The following UPK3B variants were observed in gnomAD, a reference collection of about 807,000 sequenced individuals.
UPK3B encodes uroplakin 3B.
In UPK3B, 21 loss-of-function variants were observed where a neutral mutation model predicts 27.6. The ratio of observed to expected loss-of-function variants is 0.76; its 90% CI spans 0.54 to 1.10. The LOEUF is 1.10. Ranked by LOEUF, UPK3B falls within the 50% of genes least tolerant of loss-of-function variation. The probability of loss-of-function intolerance (pLI) is 0.00; values close to 1 mark genes in which losing one functional copy is unlikely to be tolerated. For missense variants in UPK3B, 306 were observed against 376.1 expected, an observed-to-expected ratio of 0.81 and a Z score of 1.54; for synonymous variants, 141 against 162.3, an observed-to-expected ratio of 0.87 and a Z score of 1.00.
intron 5 of UPK3B, 106 bp from the exon 6 acceptor site, chr7:76,514,939 A>T: frequency 2.4e-6 from 3 of 1,253,406 alleles, no homozygotes; most frequent in Non-Finnish European, 3.2e-6. Context: ...AGAGAGAGAG[A>T]GAGACTACAC....
Position 76,515,339 on chromosome 7 carries a change from G to A in UPK3B, c.*135G>A. 1 of 1,501,804 alleles carries A rather than the reference G, an allele frequency of 6.7e-7. No individual in the cohort carries two copies. Among genetic ancestry groups the A allele is most frequent in the Admixed American group, 2.1e-5 (1 of 47,038 alleles). 93.0% of individuals were successfully genotyped at this position (1,501,804 alleles called of 1,614,324 possible). On this transcript the variant is annotated 3_prime_UTR_variant, in exon 6 of 6. Coordinates refer to ENST00000334348, the MANE Select transcript of UPK3B (RefSeq NM_001347684.2). ...CCCCCACCAGCACACCCCGTACCCT[G>A]CCTGGAATCCCAGCACCAGCCCCCC...
chr7:76,513,851 G>A (rs1812626314), intron 4 of UPK3B, 96 bp from the exon 5 acceptor site: 2 of 1,577,842 alleles, frequency 1.3e-6, no homozygotes, highest in East Asian at 2.2e-5. Flanking sequence ...AGACCTTGAA[G>A]CTAGGCCAGC....
chr7:76,514,253 GTC>G (rs770969850), intron 5 of UPK3B, among the ~76,000 whole-genome samples, 177 bp downstream of exon 5: 2 of 152,114 alleles, frequency 1.3e-5, no homozygotes, highest in Non-Finnish European at 1.5e-5. Context: ...CGATCCTCCC[GTC>G]TCGGCCTCCC....
chr7:76,515,928 A>T lies in UPK3B; in HGVS notation c.*724A>T. Reference sequence around the variant, plus strand: ...TGGGGAGATGCCTTCTCTAGACCTGAGACGACCACGTGTCCAGATGTGACC... The same window carrying T: ...TGGGGAGATGCCTTCTCTAGACCTGTGACGACCACGTGTCCAGATGTGACC... On this transcript the variant is annotated 3_prime_UTR_variant, in exon 6 of 6. Coordinates refer to ENST00000334348, the MANE Select transcript of UPK3B (RefSeq NM_001347684.2). 8.2e-6 allele frequency: 5 copies of T among 610,048 alleles called. 2 individuals are homozygous for T. The highest frequency in any genetic ancestry group is 9.4e-6 in the Non-Finnish European group (5 of 529,334). The allele number at this position is 610,048 out of a possible 1,614,324, so 37.8% of individuals were successfully genotyped here.
chr7:76,514,781 C>T (rs1812668252), intron 5 of UPK3B, among the ~76,000 whole-genome samples: 1 of 151,936 alleles, frequency 6.6e-6, no homozygotes, highest in Non-Finnish European at 1.5e-5. Context: ...TGGCAGGCAC[C>T]TGTAATCCCA....
rs1584274796 is a variant in UPK3B at position 76,513,929 on chromosome 7, C to T, written c.542-18C>T. 6.2e-7 allele frequency: 1 copy of T among 1,613,136 alleles called. No individual in the cohort carries two copies. The highest frequency in any genetic ancestry group is 8.5e-7 in the Non-Finnish European group (1 of 1,179,578). ...GGGGTCGAGGGGCAGCCCCTCTGAG[C>T]AGCTGGTGTGTGTGCAGGGAAGACC... On this transcript the variant is annotated intron_variant, in intron 4 of 5. Transcript: ENST00000334348.
rs370582151 is a variant in UPK3B, at chr7:76,513,091, T to G, written c.469T>G (p.Phe157Val). 3 of 1,613,170 alleles carry G rather than the reference T, an allele frequency of 1.9e-6. No homozygotes were observed. In the African/African-American group the frequency reaches 4.0e-5, roughly 21 times the overall value. The change falls in exon 4 of 6, where the codon TTC becomes GTC. Residue 157 changes from phenylalanine to valine, a missense_variant. By Grantham distance (50) the Phe-to-Val change is conservative. This residue lies in a region of UPK3B where 174 missense variants were observed against 166.6 expected (regional missense o/e 1.04). Transcript: ENST00000334348. ...ACCACCTCCCATCCCCAGGGTGAAG[T>G]TCCTCCTGATGGACACCAGGGGCTC... ...LPGPGPYRVK[F>V]LLMDTRGSPR...
At chr7:76,514,134 G>T (rs1417625365) in intron 5 of UPK3B, 58 bp downstream of exon 5, 2 of 1,611,576 alleles carry the variant, frequency 1.2e-6, no homozygotes, top group Admixed American at 1.7e-5. Flanking sequence ...TGTTGAATTG[G>T]TCCCAGTGTC....
At position 76,510,963 on chromosome 7, in the gene UPK3B, C is replaced by G; in HGVS notation, c.146C>G (p.Thr49Ser). ...GACCTGGAAGGGAAGGTCACAGCCACCACCTTCTCCCTGGAGCAGCCGCGC... is the reference window on the plus strand; with the variant it reads ...GACCTGGAAGGGAAGGTCACAGCCAGCACCTTCTCCCTGGAGCAGCCGCGC... ...AWDLEGKVTA[T>S]TFSLEQPRCV... The change falls in exon 2 of 6, where the codon ACC (threonine) becomes AGC (serine). Residue 49 changes from threonine to serine, a missense_variant. This residue lies in a region of UPK3B where 21 missense variants were observed against 58.4 expected (regional missense o/e 0.36). Transcript: ENST00000334348. 1.3e-6 allele frequency: 2 copies of G among 1,582,864 alleles called. No individual in the cohort carries two copies. Among genetic ancestry groups the G allele is most frequent in the Non-Finnish European group, 1.7e-6 (2 of 1,165,932 alleles).
chr7:76,513,356 A>G (rs1409086883), intron 4 of UPK3B, among the ~76,000 whole-genome samples, 193 bp downstream of exon 4: 1 of 152,082 alleles, frequency 6.6e-6, no homozygotes, highest in African/African-American at 2.4e-5. Flanking sequence ...CAGGGGCACC[A>G]TCTCGGCCCA....
At position 76,515,198 on chromosome 7, in the gene UPK3B, C is replaced by T; in HGVS notation, c.825C>T (p.Ser275=). Reference sequence around the variant, plus strand: ...GCCTGGACCCCCTCCCCAGCCTCAGCCCCTAGCCTGGCCTCTTTGCATGGG... The same window carrying T: ...GCCTGGACCCCCTCCCCAGCCTCAGTCCCTAGCCTGGCCTCTTTGCATGGG... ...KPGLDPLPSL[S]P The change falls in exon 6 of 6, where the codon AGC becomes AGT. Residue 275 remains serine, a synonymous_variant. Coordinates refer to ENST00000334348, the MANE Select transcript of UPK3B (RefSeq NM_001347684.2). 1 of 1,593,480 alleles carries T rather than the reference C, an allele frequency of 6.3e-7. No individual in the cohort carries two copies. The highest frequency in any genetic ancestry group is 8.5e-7 in the Non-Finnish European group (1 of 1,170,186).
At position 76,515,040 on chromosome 7, in the gene UPK3B, C is replaced by G. The variant is rs1306802162; in HGVS notation, c.672-5C>G. 6.4e-7 allele frequency: 1 copy of G among 1,569,714 alleles called. No homozygotes were observed. The highest frequency in any genetic ancestry group is 8.6e-7 in the Non-Finnish European group (1 of 1,157,932). On this transcript the variant is annotated splice_region_variant and splice_polypyrimidine_tract_variant and intron_variant, in intron 5 of 5. Transcript: ENST00000334348. ...ATGTCTCTTCCTCCTCCTCTCCCCG[C>G]CCAGCTCCAGCCTGTGGTGGCCGGA...
intron 5 of UPK3B, among the ~76,000 whole-genome samples, 168 bp from the exon 6 acceptor site, chr7:76,514,877 G>A (rs1222048525): frequency 6.8e-6 from 1 of 147,936 alleles, no homozygotes; most frequent in African/African-American, 2.5e-5. Context: ...CCGCACTCCA[G>A]CCTGGGTGAC....
chr7:76,512,430 G>A (rs1812565227), intron 3 of UPK3B, among the ~76,000 whole-genome samples: 1 of 147,138 alleles, frequency 6.8e-6, no homozygotes, highest in Non-Finnish European at 1.5e-5. Context: ...GCAGGGCGTG[G>A]TGAGGCTGGA....
chr7:76,515,505 G>A lies in UPK3B; in HGVS notation c.*301G>A. On this transcript the variant is annotated 3_prime_UTR_variant, in exon 6 of 6. Transcript: ENST00000334348. The stretch of plus-strand genomic sequence containing the variant: ...CCACCTCTGTCTCACCTGACCTCCT[G>A]CGAGGGAGGCTGGAGACTGTGTGGA... 1.4e-5 allele frequency: 9 copies of A among 642,732 alleles called. 3 individuals carry two copies. Among genetic ancestry groups the A allele is most frequent in the Non-Finnish European group, 1.6e-5 (9 of 552,734 alleles). The allele number at this position is 642,732 out of a possible 1,614,324, so 39.8% of individuals were successfully genotyped here.
rs1812482958 is a variant in UPK3B, at chr7:76,510,664, C to A, written c.12C>A (p.Pro4=). ...TGCTGGCAGCTGTCATGGGGCTACCCTGGGGGCAGCCTCACCTAGGGCTGC... is the reference window on the plus strand; with the variant it reads ...TGCTGGCAGCTGTCATGGGGCTACCATGGGGGCAGCCTCACCTAGGGCTGC... MGL[P]WGQPHLGLQM... Residue 4 remains proline (P), a synonymous_variant, in exon 1 of 6, where the codon CCC becomes CCA. Coordinates refer to ENST00000334348, the MANE Select transcript of UPK3B (RefSeq NM_001347684.2). 6.7e-7 allele frequency: 1 copy of A among 1,490,870 alleles called. No individual in the cohort carries two copies. The highest frequency in any genetic ancestry group is 2.3e-5 in the East Asian group (1 of 43,454). 92.4% of individuals were successfully genotyped at this position (1,490,870 alleles called of 1,614,324 possible).
intron 2 of UPK3B, 131 bp from the exon 3 acceptor site, chr7:76,511,526 T>C (rs560491663): frequency 1.1e-6 from 1 of 928,348 alleles, no homozygotes; most frequent in Non-Finnish European, 1.6e-6. Flanking sequence ...GTCTGGACTA[T>C]CTCTGGGGGC....
chr7:76,512,055 C>T (rs1401562912), intron 3 of UPK3B, among the ~76,000 whole-genome samples, 173 bp downstream of exon 3: 20 of 151,550 alleles, frequency 1.3e-4, no homozygotes, highest in African/African-American at 4.6e-4. Flanking sequence ...TGCTCACCCC[C>T]GCTGGGGCCG....
chr7:76,515,403 A>G lies in UPK3B; in HGVS notation c.*199A>G, dbSNP rs1812707077. ...CCTTTCTGGTTTCTCTCCCTCTCCA[A>G]GCATCTGTAAGTTGCACTCAGGAGG... On this transcript the variant is annotated 3_prime_UTR_variant, in exon 6 of 6. Coordinates refer to ENST00000334348, the MANE Select transcript of UPK3B (RefSeq NM_001347684.2). The G allele has an allele frequency of 6.7e-7, 1 of 1,499,960 alleles. No individual in the cohort carries two copies. Among genetic ancestry groups the G allele is most frequent in the Non-Finnish European group, 8.9e-7 (1 of 1,128,528 alleles). The allele number at this position is 1,499,960 out of a possible 1,614,324, so 92.9% of individuals were successfully genotyped here. A position where few individuals can be genotyped will look rare whatever the true frequency, so the allele number is the denominator to read the frequency against.
Sources: allele counts gnomAD v4.1 joint callset (sites outside exome capture counted in the v4.1 genomes callset), GRCh38; gene constraint gnomAD v4.1.1; regional missense constraint gnomAD v4.1.1; transcripts MANE v1.5; gene names NCBI Gene and HGNC (gene_info 2026-07-23, HGNC 2026-07-21).